TMEM17: variants seen among roughly 807,000 people sequenced by gnomAD.
TMEM17 encodes the protein transmembrane protein 17.
TMEM17 carries 15 observed loss-of-function variants against 19.1 expected under a neutral mutation model. That is an observed-to-expected ratio of 0.78 (90% CI 0.52 to 1.21). The LOEUF is 1.21. Among genes scored for constraint, TMEM17 ranks in the 50% most tolerant of loss-of-function variants. The pLI is 0.00. For synonymous variants in TMEM17, 103 were observed against 86.9 expected (o/e 1.19, Z -1.03); for missense variants, 245 against 242.3 (o/e 1.01, Z -0.07).
At chr2:62,494,608 A>G in the TMEM17 span, among the ~76,000 whole-genome samples, 1 of 152,204 alleles carries the variant, frequency 6.6e-6, no homozygotes, top group Non-Finnish European at 1.5e-5. Context: ...AAAAACCTTT[A>G]AAAATGAATC....
rs6713096 is a variant in TMEM17, at chr2:62,502,518, A to G, written c.237T>C (p.Ile79=). The stretch of plus-strand genomic sequence containing the variant: ...TTATTAGGATGATAACAGTGATCAC[A>G]ATGAATTTGTAGTAGTCAGGTAAGA... ...YSILPDYYKF[I]VITVIILITL... Residue 79 remains isoleucine, a synonymous_variant, in exon 3 of 4, where the codon ATT becomes ATC. Transcript: ENST00000335390. The G allele has an allele frequency of 0.085, 137,381 of 1,610,944 alleles. 6,423 individuals are homozygous for G. Among genetic ancestry groups the G allele is most frequent in the African/African-American group, 0.11 (8,572 of 74,942 alleles).
downstream of TMEM17, among the ~76,000 whole-genome samples, chr2:62,499,519 C>T (rs144285825): frequency 7.7e-3 from 1,164 of 152,144 alleles, 13 homozygotes; most frequent in African/African-American, 0.026. Flanking sequence ...TCAGCCACTG[C>T]ATGGAGGGAG....
chr2:62,500,548 C>G lies in TMEM17; in HGVS notation c.*661G>C, dbSNP rs1053578043. The G allele has an allele frequency of 9.2e-5, 14 of 152,322 alleles. No homozygotes were observed. The highest frequency in any genetic ancestry group is 2.9e-4 in the African/African-American group (12 of 41,538). 9.4% of individuals were successfully genotyped at this position (152,322 alleles called of 1,614,324 possible). A position where few individuals can be genotyped will look rare whatever the true frequency, so the allele number is the denominator to read the frequency against. On this transcript the variant is annotated 3_prime_UTR_variant, in exon 4 of 4. Coordinates refer to ENST00000335390, the MANE Select transcript of TMEM17 (RefSeq NM_198276.3). ...GCAAGCTCTGCCTCCTGGGTTCACA[C>G]CATTCTCCTGCCTCAGCCTCCCAAG...
chr2:62,458,840 T>A, the TMEM17 span, among the ~76,000 whole-genome samples: 1 of 152,200 alleles, frequency 6.6e-6, no homozygotes, highest in South Asian at 2.1e-4. Flanking sequence ...TGGATGTGTT[T>A]GTCCTCTCTA....
chr2:62,471,289 G>T, the TMEM17 span, among the ~76,000 whole-genome samples: 10 of 152,158 alleles, frequency 6.6e-5, no homozygotes, highest in Non-Finnish European at 1.5e-4. Context: ...GTACATAAAG[G>T]CCACTAGCTC....
At chr2:62,486,087 C>G in the TMEM17 span, among the ~76,000 whole-genome samples, 3 of 152,238 alleles carry the variant, frequency 2.0e-5, no homozygotes, top group South Asian at 6.2e-4. Context: ...TGCTGATTTG[C>G]AAAAGAAATC....
At chr2:62,494,779 A>G in the TMEM17 span, among the ~76,000 whole-genome samples, 3 of 152,138 alleles carry the variant, frequency 2.0e-5, no homozygotes, top group African/African-American at 7.2e-5. Context: ...CGAGGCGGGC[A>G]GATCATGAGG....
At chr2:62,493,219 G>A in the TMEM17 span, among the ~76,000 whole-genome samples, 2 of 151,912 alleles carry the variant, frequency 1.3e-5, no homozygotes, top group African/African-American at 4.8e-5. Context: ...GTAGAGACAG[G>A]GCATCACTAT....
the TMEM17 span, among the ~76,000 whole-genome samples, chr2:62,488,243 C>G: frequency 6.6e-6 from 1 of 152,062 alleles, no homozygotes; most frequent in African/African-American, 2.4e-5. Flanking sequence ...TTGTTTTTGC[C>G]TTCCTGGGTG....
At chr2:62,499,195 A>AT (rs1355331243), downstream of TMEM17, among the ~76,000 whole-genome samples, 1 of 152,120 alleles carries the variant, frequency 6.6e-6, no homozygotes, top group Admixed American at 6.5e-5. Context: ...CAGTTTAAAA[A>AT]TTTTTTTATG....
chr2:62,485,929 C>T, the TMEM17 span, among the ~76,000 whole-genome samples: 1 of 152,186 alleles, frequency 6.6e-6, no homozygotes, highest in Admixed American at 6.5e-5. Flanking sequence ...ACGGAATTGA[C>T]CTTACAAAGT....
At chr2:62,505,995 G>C (rs1159424762) in intron 1 of TMEM17, 35 bp downstream of exon 1, 1 of 1,572,408 alleles carries the variant, frequency 6.4e-7, no homozygotes, top group African/African-American at 1.4e-5. Flanking sequence ...GCCCTCGGCA[G>C]GCCACACCCC....
At chr2:62,457,025 G>A in the TMEM17 span, among the ~76,000 whole-genome samples, 3 of 150,606 alleles carry the variant, frequency 2.0e-5, no homozygotes, top group Non-Finnish European at 2.9e-5. The surrounding 1 kb of genome is among the most constrained non-coding windows in gnomAD (Gnocchi z 4.2). Context: ...TGAGAGCTCA[G>A]CCCCTTTCCC....
the TMEM17 span, among the ~76,000 whole-genome samples, chr2:62,472,903 A>T: frequency 4.6e-5 from 7 of 152,234 alleles, no homozygotes; most frequent in Non-Finnish European, 8.8e-5. Flanking sequence ...ATTAAAGGCA[A>T]CTTTCTTAGA....
chr2:62,501,714 A>G, intron 3 of TMEM17: 1 of 487,116 alleles, frequency 2.1e-6, no homozygotes, highest in Non-Finnish European at 3.6e-6. Context: ...AATTAAGTGC[A>G]ATATTTAGAA....
At chr2:62,498,908 A>G (rs1362322392), downstream of TMEM17, among the ~76,000 whole-genome samples, 1 of 152,152 alleles carries the variant, frequency 6.6e-6, no homozygotes, top group East Asian at 1.9e-4. Flanking sequence ...AAGACTGCCT[A>G]ACCCCCAAAT....
the TMEM17 span, among the ~76,000 whole-genome samples, chr2:62,485,302 T>C: frequency 6.6e-6 from 1 of 152,230 alleles, no homozygotes; most frequent in Non-Finnish European, 1.5e-5. Context: ...AATGATAACA[T>C]TGATTAGACT....
chr2:62,467,869 G>A, the TMEM17 span, among the ~76,000 whole-genome samples: 4 of 150,740 alleles, frequency 2.7e-5, no homozygotes, highest in Non-Finnish European at 5.9e-5. Flanking sequence ...GAGCATGTGG[G>A]CATGCCATCT....
At chr2:62,455,744 C>A in the TMEM17 span, among the ~76,000 whole-genome samples, 4 of 152,190 alleles carry the variant, frequency 2.6e-5, no homozygotes, top group Non-Finnish European at 5.9e-5. Flanking sequence ...GCCAGCCTGG[C>A]CGACAGAGCA....
Sources: gnomAD v4.1 joint callset for allele counts (sites outside exome capture counted in the v4.1 genomes callset) on GRCh38, gnomAD v4.1.1 for gene constraint, Gnocchi (gnomAD v3.1) non-coding constraint, MANE v1.5 for transcripts, NCBI Gene and HGNC (gene_info 2026-07-23, HGNC 2026-07-21) for gene names.